Variants in ANKRD36 observed in about 807,000 individuals in gnomAD.
The protein encoded by ANKRD36 is ankyrin repeat domain-containing protein 36A.
Under a neutral mutation model 278.1 loss-of-function variants are expected in ANKRD36, and 179 were observed. That is an observed-to-expected ratio of 0.64 (90% CI 0.57 to 0.73). The LOEUF (loss-of-function observed/expected upper bound fraction) is 0.73, where lower values mean the gene tolerates loss of function less well. Ranked by LOEUF, ANKRD36 falls within the 30% of genes least tolerant of loss-of-function variation. The pLI, the probability that ANKRD36 is intolerant of heterozygous loss-of-function variation, is 0.00. For missense variants in ANKRD36, 1,159 were observed against 1,956.7 expected (o/e 0.59, Z 7.69); for synonymous variants, 320 against 641.1 (o/e 0.50, Z 7.57).
chr2:97,118,142 C>T lies in ANKRD36; in HGVS notation c.276C>T (p.Asn92=), dbSNP rs2035987321. 6.4e-7 allele frequency: 1 copy of T among 1,567,978 alleles called. No homozygotes were observed. Among genetic ancestry groups the T allele is most frequent in the African/African-American group, 1.4e-5 (1 of 73,598 alleles). The change falls in exon 2 of 76, where the codon AAC becomes AAT. Residue 92 remains asparagine, a synonymous_variant. Transcript: ENST00000420699. The stretch of plus-strand genomic sequence containing the variant: ...TGGTGTCCAGAAGATGTGAGCTTAA[C>T]CTCTGCGACCGTGAAGACAGGACAC... ...HLLVSRRCEL[N]LCDREDRTPL...
At chr2:97,190,260 A>G (rs1212039695) in intron 34 of ANKRD36, among the ~76,000 whole-genome samples, 1 of 95,140 alleles carries the variant, frequency 1.1e-5, no homozygotes, top group Admixed American at 9.4e-5. Flanking sequence ...TTGTAGAAGT[A>G]TGTCAAAATT....
intron 22 of ANKRD36, among the ~76,000 whole-genome samples, chr2:97,169,391 T>C (rs1166223282): frequency 1.3e-5 from 2 of 152,282 alleles, no homozygotes; most frequent in Non-Finnish European, 2.9e-5. Flanking sequence ...TCTCCTGTTC[T>C]GTAGGTTGCT....
In ANKRD36 at chr2:97,158,762, G is replaced by A. The variant is rs562684455; in HGVS notation, c.1389+107G>A. 3.5e-6 allele frequency: 4 copies of A among 1,150,380 alleles called. No individual in the cohort carries two copies. The Admixed American group carries it at 1.0e-4, about 30-fold the overall frequency. The allele number at this position is 1,150,380 out of a possible 1,614,324, so 71.3% of individuals were successfully genotyped here. A position where few individuals can be genotyped will look rare whatever the true frequency, so the allele number is the denominator to read the frequency against. ...ATCTTTAGTTTTACAATGGTAAATT[G>A]TTTTATTTGGAAAATATTTTTCCCG... is the stretch of plus-strand genomic sequence containing the variant. On this transcript the variant is annotated intron_variant, in intron 17 of 75. Transcript: ENST00000420699.
At position 97,204,152 on chromosome 2, in the gene ANKRD36, A is replaced by T. The variant is rs778674845; in HGVS notation, c.2989-39A>T. ...AGTAAATGTATAGTCTACGAAACAT[A>T]CTTTATTAATTTATTATTTCATTTC... On this transcript the variant is annotated intron_variant, in intron 49 of 75. Coordinates refer to ENST00000420699, the MANE Select transcript of ANKRD36 (RefSeq NM_001354587.1). 1.9e-6 allele frequency: 3 copies of T among 1,571,324 alleles called. No homozygotes were observed. The East Asian group carries it at 7.1e-5, about 37-fold the overall frequency.
chr2:97,222,802 A>G (rs2068133387), intron 66 of ANKRD36, among the ~76,000 whole-genome samples: 1 of 152,106 alleles, frequency 6.6e-6, no homozygotes, highest in Non-Finnish European at 1.5e-5. Context: ...AAGTGTTGAT[A>G]TTAGTTAATC....
At chr2:97,218,817 TGTGGTGCA>T (rs1432450702) in intron 64 of ANKRD36, among the ~76,000 whole-genome samples, 1 of 150,448 alleles carries the variant, frequency 6.6e-6, no homozygotes, top group Non-Finnish European at 1.5e-5. Context: ...TAGCAATAGA[TGTGGTGCA>T]TAATCTCACT....
At chr2:97,198,082 G>C (rs1308808438) in intron 42 of ANKRD36, among the ~76,000 whole-genome samples, 4 of 151,996 alleles carry the variant, frequency 2.6e-5, no homozygotes, top group South Asian at 2.1e-4. Flanking sequence ...CTTTTGATTT[G>C]TTGCATGAAA....
chr2:97,134,766 A>G (rs1204493335), intron 6 of ANKRD36, among the ~76,000 whole-genome samples: 1 of 151,954 alleles, frequency 6.6e-6, no homozygotes, highest in Non-Finnish European at 1.5e-5. Flanking sequence ...GTTCCTTTAT[A>G]TATATTTTAT....
At chr2:97,117,246 T>A (rs186080167) in intron 1 of ANKRD36, among the ~76,000 whole-genome samples, 1 of 152,144 alleles carries the variant, frequency 6.6e-6, no homozygotes, top group East Asian at 1.9e-4. Context: ...TTTCTTTGGA[T>A]TATTTTTTTT....
chr2:97,210,574 A>G (rs1352444318), intron 56 of ANKRD36, among the ~76,000 whole-genome samples: 2 of 151,838 alleles, frequency 1.3e-5, no homozygotes, highest in Non-Finnish European at 2.9e-5. Flanking sequence ...GATTTTAGTT[A>G]TAAAAATGAG....
rs1463942265 is a variant in ANKRD36 at position 97,117,336 on chromosome 2, A to G, written c.198-728A>G. Reference sequence around the variant, plus strand: ...CTTCTTTTTCCACAGTACTTTATTTAGGTGCCAATTATATGAGTAGAACTG... The same window carrying G: ...CTTCTTTTTCCACAGTACTTTATTTGGGTGCCAATTATATGAGTAGAACTG... On this transcript the variant is annotated intron_variant, in intron 1 of 75. Coordinates refer to ENST00000420699, the MANE Select transcript of ANKRD36 (RefSeq NM_001354587.1). Among the ~76,000 whole-genome samples the G allele has an allele frequency of 2.6e-5, 4 of 151,912 alleles. No individual in the cohort carries two copies. The Admixed American group carries it at 2.6e-4, about 10-fold the overall frequency.
At chr2:97,203,659 T>C (rs1212407696) in intron 48 of ANKRD36, among the ~76,000 whole-genome samples, 1 of 151,828 alleles carries the variant, frequency 6.6e-6, no homozygotes. Flanking sequence ...TGAATGTTTG[T>C]AGTATAATGG....
intron 40 of ANKRD36, among the ~76,000 whole-genome samples, chr2:97,196,037 A>AC (rs2059664744): frequency 1.3e-5 from 2 of 151,984 alleles, no homozygotes; most frequent in Admixed American, 1.3e-4. Context: ...AATATTATGT[A>AC]CTAGGTATCA....
At chr2:97,210,266 G>A (rs545950724) in intron 56 of ANKRD36, among the ~76,000 whole-genome samples, 5 of 151,914 alleles carry the variant, frequency 3.3e-5, no homozygotes, top group South Asian at 4.2e-4. Flanking sequence ...GTAATAACCC[G>A]TGTACAGTGT....
chr2:97,139,968 G>GA lies in ANKRD36; in HGVS notation c.800-2666dup, dbSNP rs879869968. Among the ~76,000 whole-genome samples, 211 of 151,928 alleles carry GA rather than the reference G, an allele frequency of 1.4e-3. 2 individuals carry two copies. The highest frequency in any genetic ancestry group is 2.8e-3 in the Admixed American group (42 of 15,168). Reference sequence around the variant, plus strand: ...GTCAAATGACAAATAGGCCCTTGAAGAAAAAACACCCTGTAAAGCTGTATT... The same window carrying GA: ...GTCAAATGACAAATAGGCCCTTGAAGAAAAAAACACCCTGTAAAGCTGTATT... On this transcript the variant is annotated intron_variant, in intron 6 of 75. Coordinates refer to ENST00000420699, the MANE Select transcript of ANKRD36 (RefSeq NM_001354587.1).
At position 97,142,064 on chromosome 2, in the gene ANKRD36, A is replaced by C. The variant is rs561942600; in HGVS notation, c.800-576A>C. Among the ~76,000 whole-genome samples, 8 of 152,404 alleles carry C rather than the reference A, an allele frequency of 5.2e-5. No individual in the cohort carries two copies. The South Asian group carries it at 1.7e-3, about 32-fold the overall frequency. Reference sequence around the variant, plus strand: ...ATTATTACACCACATGGTTCTGAGAAATAATGAATACTGTCTACTAGGATT... The same window carrying C: ...ATTATTACACCACATGGTTCTGAGACATAATGAATACTGTCTACTAGGATT... On this transcript the variant is annotated intron_variant, in intron 6 of 75. Transcript: ENST00000420699.
In ANKRD36 at chr2:97,121,164, G is replaced by A. The variant is rs1048565252; in HGVS notation, c.487-1723G>A. Among the ~76,000 whole-genome samples, 10 of 151,660 alleles carry A rather than the reference G, an allele frequency of 6.6e-5. 1 individual carries two copies. Among genetic ancestry groups the A allele is most frequent in the African/African-American group, 1.7e-4 (7 of 41,280 alleles). On this transcript the variant is annotated intron_variant, in intron 3 of 75. Transcript: ENST00000420699. Reference sequence around the variant, plus strand: ...ATTTTATATAAATCCTTTGGTAATCGGGTTGAACTTTTGAATTTAGATGGT... The same window carrying A: ...ATTTTATATAAATCCTTTGGTAATCAGGTTGAACTTTTGAATTTAGATGGT...
At chr2:97,150,889 TC>T (rs1392403757) in intron 12 of ANKRD36, among the ~76,000 whole-genome samples, 1 of 21,370 alleles carries the variant, frequency 4.7e-5, no homozygotes, top group South Asian at 1.3e-3. Context: ...TTTTTTTCTT[TC>T]CCCCTCTCTC....
intron 26 of ANKRD36, among the ~76,000 whole-genome samples, chr2:97,183,236 A>C (rs1404238349): frequency 1.3e-5 from 2 of 151,706 alleles, no homozygotes; most frequent in Non-Finnish European, 2.9e-5. Flanking sequence ...ATGATGCATA[A>C]TACCTCTTTG....
Sources: allele counts gnomAD v4.1 joint callset (sites outside exome capture counted in the v4.1 genomes callset), GRCh38; gene constraint gnomAD v4.1.1; transcripts MANE v1.5; gene names NCBI Gene and HGNC (gene_info 2026-07-23, HGNC 2026-07-21).